The following GPM6A variants were observed in gnomAD, a reference collection of about 807,000 sequenced individuals.
GPM6A encodes glycoprotein M6A.
GPM6A carries 7 observed loss-of-function variants against 32.1 expected under a neutral mutation model. That is an observed-to-expected ratio of 0.22 (90% CI 0.12 to 0.41). The LOEUF is 0.41. Among genes scored for constraint, GPM6A ranks in the 10% least tolerant of loss-of-function variants. GPM6A has a pLI of 1.00. For synonymous variants in GPM6A, 130 were observed against 123.4 expected, an observed-to-expected ratio of 1.05 and a Z score of -0.35; for missense variants, 235 against 347.2, an observed-to-expected ratio of 0.68 and a Z score of 2.57.
chr4:175,937,765 A>G (rs1426356735), intron 1 of GPM6A, among the ~76,000 whole-genome samples: 1 of 152,120 alleles, frequency 6.6e-6, no homozygotes, highest in African/African-American at 2.4e-5. Context: ...AATTAATTTA[A>G]ATTAAAATAT....
intron 1 of GPM6A, among the ~76,000 whole-genome samples, chr4:175,756,744 A>G (rs1160110613): frequency 6.6e-6 from 1 of 152,116 alleles, no homozygotes; most frequent in Non-Finnish European, 1.5e-5. Flanking sequence ...TAAATAATAT[A>G]TGCAATCATT....
intron 4 of GPM6A, among the ~76,000 whole-genome samples, chr4:175,647,413 G>A (rs12649110): frequency 0.69 from 105,601 of 152,022 alleles, 39,826 homozygotes; most frequent in Non-Finnish European, 0.84. Context: ...TCAAAAATAC[G>A]AATAAAATTA....
chr4:175,877,767 T>G (rs1318164047), intron 1 of GPM6A, among the ~76,000 whole-genome samples: 2 of 152,290 alleles, frequency 1.3e-5, no homozygotes, highest in Non-Finnish European at 2.9e-5. Flanking sequence ...TGTCCTCACA[T>G]TTCAAAACAC....
intron 1 of GPM6A, among the ~76,000 whole-genome samples, chr4:175,899,030 A>T (rs1410389319): frequency 6.6e-6 from 1 of 152,050 alleles, no homozygotes; most frequent in Admixed American, 6.6e-5. Flanking sequence ...TTCCTTACAT[A>T]CTGTATTGCT....
chr4:175,949,549 T>C (rs1454386482), intron 1 of GPM6A, among the ~76,000 whole-genome samples: 1 of 150,540 alleles, frequency 6.6e-6, no homozygotes, highest in Non-Finnish European at 1.5e-5. Context: ...AAAACAAATA[T>C]GAGTTTGTTT....
intron 1 of GPM6A, among the ~76,000 whole-genome samples, chr4:175,909,223 C>T (rs886745267): frequency 1.3e-5 from 2 of 151,312 alleles, no homozygotes; most frequent in Admixed American, 1.3e-4. Context: ...AGAAAAGAGG[C>T]GCCTTGACTG....
chr4:175,717,359 TA>T (rs1314863558), intron 1 of GPM6A, among the ~76,000 whole-genome samples: 2 of 152,218 alleles, frequency 1.3e-5, no homozygotes, highest in African/African-American at 4.8e-5. Context: ...GAAAATCTGG[TA>T]TTCATTGGTG....
At chr4:175,731,408 C>T (rs1731425726) in intron 1 of GPM6A, among the ~76,000 whole-genome samples, 2 of 152,136 alleles carry the variant, frequency 1.3e-5, no homozygotes, top group South Asian at 2.1e-4. Context: ...GAGACAACTT[C>T]CCCTGATCTT....
intron 1 of GPM6A, among the ~76,000 whole-genome samples, chr4:175,782,291 T>A (rs908324477): frequency 1.3e-5 from 2 of 152,184 alleles, no homozygotes; most frequent in Non-Finnish European, 2.9e-5. Context: ...CCTAGGCTTT[T>A]GCTGGGGCTA....
chr4:175,905,731 A>T (rs985094201), intron 1 of GPM6A, among the ~76,000 whole-genome samples: 1 of 152,094 alleles, frequency 6.6e-6, no homozygotes, highest in Admixed American at 6.6e-5. Flanking sequence ...TATATTTTCT[A>T]ATATTAAGGA....
chr4:175,902,859 C>T (rs1738010951), intron 1 of GPM6A, among the ~76,000 whole-genome samples: 1 of 152,056 alleles, frequency 6.6e-6, no homozygotes, highest in Admixed American at 6.6e-5. Context: ...GAAAACGAAA[C>T]TCAGCTATTA....
At chr4:175,748,506 A>T (rs1273415093) in intron 1 of GPM6A, among the ~76,000 whole-genome samples, 1 of 152,176 alleles carries the variant, frequency 6.6e-6, no homozygotes, top group East Asian at 1.9e-4. Flanking sequence ...GTGATATTTT[A>T]AAATACATCA....
intron 1 of GPM6A, among the ~76,000 whole-genome samples, chr4:175,798,045 T>G (rs61310736): frequency 6.6e-6 from 1 of 152,076 alleles, no homozygotes; most frequent in East Asian, 1.9e-4. Flanking sequence ...GTTGGGGAAA[T>G]GAAGTGCCGT....
At chr4:175,681,300 G>C (rs1184782013) in intron 2 of GPM6A, among the ~76,000 whole-genome samples, 1 of 152,156 alleles carries the variant, frequency 6.6e-6, no homozygotes, top group Non-Finnish European at 1.5e-5. Context: ...TCTGATGGGT[G>C]ATGAGTGGTA....
At chr4:175,798,611 A>C (rs1734331256) in intron 1 of GPM6A, 1 of 152,124 alleles carries the variant, frequency 6.6e-6, no homozygotes, top group South Asian at 2.1e-4. Context: ...ACTTTGTACT[A>C]ACTTTCTAAT....
chr4:176,001,555 T>C (rs978443190), intron 1 of GPM6A, among the ~76,000 whole-genome samples: 2 of 152,176 alleles, frequency 1.3e-5, no homozygotes, highest in African/African-American at 2.4e-5. Context: ...TATTCCAAGC[T>C]GCCTCCGCTA....
chr4:175,636,290 ATATAT>A (rs1740601929), intron 6 of GPM6A, among the ~76,000 whole-genome samples: 1 of 139,502 alleles, frequency 7.2e-6, no homozygotes, highest in African/African-American at 2.6e-5. Flanking sequence ...ATATATATAT[ATATAT>A]ATACATATAT....
At chr4:175,991,291 G>T (rs1240393014) in intron 1 of GPM6A, among the ~76,000 whole-genome samples, 1 of 150,340 alleles carries the variant, frequency 6.7e-6, no homozygotes, top group Non-Finnish European at 1.5e-5. Context: ...GGCCAGGCTG[G>T]TCTCGAACTC....
chr4:175,862,684 T>C (rs572022727), intron 1 of GPM6A, among the ~76,000 whole-genome samples: 1 of 152,158 alleles, frequency 6.6e-6, no homozygotes, highest in Non-Finnish European at 1.5e-5. Context: ...TCCCCATCAG[T>C]ATTACATTAG....
Sources: gnomAD v4.1 joint callset for allele counts (sites outside exome capture counted in the v4.1 genomes callset) on GRCh38, gnomAD v4.1.1 for gene constraint, MANE v1.5 for transcripts, NCBI Gene and HGNC (gene_info 2026-07-23, HGNC 2026-07-21) for gene names.